The following CCDC60 variants were observed in gnomAD, a reference collection of about 807,000 sequenced individuals.
CCDC60 encodes coiled-coil domain-containing protein 60.
Under a neutral mutation model 63.5 loss-of-function variants are expected in CCDC60, and 54 were observed. The observed-to-expected ratio is 0.85, with a 90% CI of 0.68 to 1.07. CCDC60 has a LOEUF of 1.07. Among genes scored for constraint, CCDC60 ranks in the 50% least tolerant of loss-of-function variants. The pLI, the probability that CCDC60 is intolerant of heterozygous loss-of-function variation, is 0.00. For synonymous variants in CCDC60, 206 were observed against 238.8 expected (o/e 0.86, Z 1.27); for missense variants, 651 against 684.3 (o/e 0.95, Z 0.54).
intron 1 of CCDC60, among the ~76,000 whole-genome samples, chr12:119,336,826 G>A (rs1955476547): frequency 6.6e-6 from 1 of 152,202 alleles, no homozygotes; most frequent in Non-Finnish European, 1.5e-5. Flanking sequence ...AAGAAAAATC[G>A]ATACGTACTG....
intron 4 of CCDC60, among the ~76,000 whole-genome samples, chr12:119,484,454 G>A (rs917708179): frequency 6.6e-5 from 10 of 151,922 alleles, no homozygotes; most frequent in African/African-American, 1.7e-4. Context: ...AGTGGCTCAC[G>A]TCTGTAATCC....
chr12:119,494,942 T>C lies in CCDC60; in HGVS notation c.558-5136T>C, dbSNP rs145002705. On this transcript the variant is annotated intron_variant, in intron 5 of 13. Transcript: ENST00000327554. ...GTTGCGGTGAGCCGAGATCATGCCA[T>C]TGCACTCCAGCCTGGGCAACAAAAG... 7.4e-4 allele frequency among the ~76,000 whole-genome samples: 112 copies of C among 152,246 alleles called. 2 individuals carry two copies. The East Asian group carries it at 0.02, about 28-fold the overall frequency.
At chr12:119,471,944 A>T (rs1593136615) in intron 2 of CCDC60, 50 bp from the exon 3 acceptor site, 5 of 1,479,814 alleles carry the variant, frequency 3.4e-6, no homozygotes, top group African/African-American at 1.5e-5. Context: ...CTCTCTCTCC[A>T]CCCTCCCACC....
At chr12:119,445,724 C>T (rs753979149) in intron 2 of CCDC60, among the ~76,000 whole-genome samples, 19 of 152,050 alleles carry the variant, frequency 1.2e-4, no homozygotes, top group Admixed American at 2.0e-4. Context: ...GGATTAGCTT[C>T]GAAAGAGTGT....
At chr12:119,396,584 C>G (rs1436989478) in intron 1 of CCDC60, among the ~76,000 whole-genome samples, 2 of 152,054 alleles carry the variant, frequency 1.3e-5, no homozygotes, top group African/African-American at 4.8e-5. Flanking sequence ...GAAGAGACCT[C>G]AAAGATCAAA....
chr12:119,367,477 C>T (rs966115602), intron 1 of CCDC60, among the ~76,000 whole-genome samples: 4 of 152,174 alleles, frequency 2.6e-5, no homozygotes, highest in African/African-American at 4.8e-5. Context: ...GGGATCTTCA[C>T]ATATTTATTT....
Position 119,472,738 on chromosome 12 carries a change from G to A in CCDC60, c.341+574G>A, listed in dbSNP as rs555446787. ...TGGGATTACAGGTGCCCACCACCAC[G>A]CCTGGCTAATTTTTTTGTATTTTTA... On this transcript the variant is annotated intron_variant, in intron 3 of 13. Coordinates refer to ENST00000327554, the MANE Select transcript of CCDC60 (RefSeq NM_178499.5). Among the ~76,000 whole-genome samples, 22 of 151,996 alleles carry A rather than the reference G, an allele frequency of 1.4e-4. No homozygotes were observed. The East Asian group carries it at 3.3e-3, about 23-fold the overall frequency.
At chr12:119,389,766 A>G (rs2136195087) in intron 1 of CCDC60, among the ~76,000 whole-genome samples, 1 of 152,088 alleles carries the variant, frequency 6.6e-6, no homozygotes, top group African/African-American at 2.4e-5. Context: ...ACTTCCACAA[A>G]TCACCACCAA....
chr12:119,402,726 A>C (rs1276717422), intron 1 of CCDC60, among the ~76,000 whole-genome samples: 1 of 152,184 alleles, frequency 6.6e-6, no homozygotes, highest in East Asian at 1.9e-4. Context: ...TGTGTTGGGT[A>C]ATCTCTCAAC....
chr12:119,471,981 T>C lies in CCDC60; in HGVS notation c.171-13T>C, dbSNP rs754667336. 2 of 1,610,914 alleles carry C rather than the reference T, an allele frequency of 1.2e-6. No homozygotes were observed. The highest frequency in any genetic ancestry group is 2.2e-5 in the South Asian group (2 of 90,442). On this transcript the variant is annotated splice_polypyrimidine_tract_variant and intron_variant, in intron 2 of 13. Coordinates refer to ENST00000327554, the MANE Select transcript of CCDC60 (RefSeq NM_178499.5). ...TCCTCCCTCTCTCCCTCTTCCTCCC[T>C]GCATGTCTCCAGCTTTTTGATCCAG...
rs74996145 is a variant in CCDC60, at chr12:119,373,667, T to C, written c.90+38401T>C. Among the ~76,000 whole-genome samples the C allele has an allele frequency of 9.1e-3, 491 of 54,168 alleles. 18 individuals are homozygous for C. The East Asian group carries it at 0.12, about 13-fold the overall frequency. 35.5% of individuals were successfully genotyped at this position (54,168 alleles called of 152,430 possible). On this transcript the variant is annotated intron_variant, in intron 1 of 13. Coordinates refer to ENST00000327554, the MANE Select transcript of CCDC60 (RefSeq NM_178499.5). ...AAGATACTTTCTCTCCGGGGTGGGG[T>C]GGGGGGGGGTCTCAGTTCCCTTATC...
At position 119,482,188 on chromosome 12, in the gene CCDC60, G is replaced by A. The variant is rs548562994; in HGVS notation, c.449+2987G>A. Among the ~76,000 whole-genome samples the A allele has an allele frequency of 5.2e-4, 76 of 147,418 alleles. 1 individual carries two copies. The South Asian group carries it at 0.016, about 31-fold the overall frequency. ...CACACACACACACACATATATATAT[G>A]CCACAGCTTCTTTATCCACTCATTG... On this transcript the variant is annotated intron_variant, in intron 4 of 13. Transcript: ENST00000327554.
At chr12:119,433,099 A>C (rs1385414684) in intron 2 of CCDC60, among the ~76,000 whole-genome samples, 1 of 152,184 alleles carries the variant, frequency 6.6e-6, no homozygotes, top group Non-Finnish European at 1.5e-5. Context: ...CACCACGGTG[A>C]CAATATTTGC....
chr12:119,535,384 AT>A (rs1025876930), intron 13 of CCDC60, among the ~76,000 whole-genome samples: 2 of 151,890 alleles, frequency 1.3e-5, no homozygotes, highest in African/African-American at 2.4e-5. Context: ...TTCATTGATT[AT>A]TTGAAGGGTT....
intron 1 of CCDC60, among the ~76,000 whole-genome samples, chr12:119,346,661 C>T (rs1194890476): frequency 6.6e-6 from 1 of 152,124 alleles, no homozygotes; most frequent in Non-Finnish European, 1.5e-5. Flanking sequence ...AGGATATTTG[C>T]ATTTTCTTGA....
intron 2 of CCDC60, among the ~76,000 whole-genome samples, chr12:119,438,262 C>T (rs189540035): frequency 6.6e-6 from 1 of 152,248 alleles, no homozygotes; most frequent in African/African-American, 2.4e-5. Context: ...CAAAGTCTGC[C>T]TTGGAGACCC....
At chr12:119,512,662 T>C (rs1407255192) in intron 7 of CCDC60, among the ~76,000 whole-genome samples, 3 of 152,204 alleles carry the variant, frequency 2.0e-5, no homozygotes, top group Non-Finnish European at 4.4e-5. Context: ...CACACTGCTC[T>C]CTGTTCTGAG....
rs139162592 is a variant in CCDC60, at chr12:119,531,167, C to G, written c.1551+104C>G. 1,022 of 993,374 alleles carry G rather than the reference C, an allele frequency of 1.0e-3. 17 individuals are homozygous for G. The East Asian group carries it at 0.02, about 19-fold the overall frequency. The allele number at this position is 993,374 out of a possible 1,614,324, so 61.5% of individuals were successfully genotyped here. On this transcript the variant is annotated intron_variant, in intron 13 of 13. Coordinates refer to ENST00000327554, the MANE Select transcript of CCDC60 (RefSeq NM_178499.5). ...AGTGCTGGGGACACAAAGTCCCCTGCCTTTATGGAGCTCATATTCTAATAG... is the reference window on the plus strand; with the variant it reads ...AGTGCTGGGGACACAAAGTCCCCTGGCTTTATGGAGCTCATATTCTAATAG...
Position 119,540,784 on chromosome 12 carries a change from C to A in CCDC60, c.*69C>A. 1 of 1,101,008 alleles carries A rather than the reference C, an allele frequency of 9.1e-7. No individual in the cohort carries two copies. The highest frequency in any genetic ancestry group is 1.3e-5 in the South Asian group (1 of 77,460). The allele number at this position is 1,101,008 out of a possible 1,614,324, so 68.2% of individuals were successfully genotyped here. A position where few individuals can be genotyped will look rare whatever the true frequency, so the allele number is the denominator to read the frequency against. On this transcript the variant is annotated 3_prime_UTR_variant, in exon 14 of 14. Transcript: ENST00000327554. ...CCTATATCATGTTCCTGTATCCTGC[C>A]TGTGTTCCTGCCTCCTGACTACCCT...
Sources: allele counts gnomAD v4.1 joint callset (sites outside exome capture counted in the v4.1 genomes callset), GRCh38; gene constraint gnomAD v4.1.1; transcripts MANE v1.5; gene names NCBI Gene and HGNC (gene_info 2026-07-23, HGNC 2026-07-21).